RORA: variants seen among roughly 807,000 people sequenced by gnomAD.
RORA encodes the protein nuclear receptor ROR-alpha.
In RORA, 7 loss-of-function variants were observed where a neutral mutation model predicts 69.5. That is an observed-to-expected ratio of 0.10 (90% CI 0.06 to 0.19). The LOEUF is 0.19. RORA is among the 10% of genes least tolerant of loss of function. The pLI, the probability that RORA is intolerant of heterozygous loss-of-function variation, is 1.00. For missense variants in RORA, 457 were observed against 663.0 expected (o/e 0.69, Z 3.41); for synonymous variants, 261 against 240.8 (o/e 1.08, Z -0.78).
In RORA at chr15:61,120,467, A is replaced by G. The variant is rs565967549; in HGVS notation, c.166+108586T>C. 6.5e-4 allele frequency among the ~76,000 whole-genome samples: 99 copies of G among 152,182 alleles called. 1 individual carries two copies. Among genetic ancestry groups the G allele is most frequent in the African/African-American group, 2.2e-3 (91 of 41,550 alleles). On this transcript the variant is annotated intron_variant, in intron 1 of 10. Coordinates refer to ENST00000335670, the MANE Select transcript of RORA (RefSeq NM_134261.3). ...GTAATCCCAGCACTTTGGGAGGCCGAGGCGGGCGGATCACAACTTCAGGAG... is the reference window on the plus strand; with the variant it reads ...GTAATCCCAGCACTTTGGGAGGCCGGGGCGGGCGGATCACAACTTCAGGAG...
intron 1 of RORA, among the ~76,000 whole-genome samples, chr15:60,743,852 G>A (rs114446183): frequency 1.5e-3 from 228 of 152,314 alleles, no homozygotes; most frequent in African/African-American, 5.4e-3. Context: ...TTGTCTTCTA[G>A]GGAGAAGAGA....
intron 1 of RORA, among the ~76,000 whole-genome samples, chr15:60,724,471 C>T (rs1049870252): frequency 6.6e-6 from 1 of 152,130 alleles, no homozygotes; most frequent in Non-Finnish European, 1.5e-5. Context: ...TGGAGCGGCT[C>T]CTTGTGTTTT....
In RORA at chr15:60,505,727, T is replaced by A. The variant is rs141053277; in HGVS notation, c.821-98A>T. ...TTAAGAAATAACAAGTAGAAAACAA[T>A]GTGCTGTGCGAGTTTTGACTGTCTT... On this transcript the variant is annotated intron_variant, in intron 5 of 10. Transcript: ENST00000335670. 707 of 1,387,886 alleles carry A rather than the reference T, an allele frequency of 5.1e-4. 4 individuals are homozygous for A. In the African/African-American group the frequency reaches 9.0e-3, roughly 18 times the overall value. 86.0% of individuals were successfully genotyped at this position (1,387,886 alleles called of 1,614,324 possible). A position where few individuals can be genotyped will look rare whatever the true frequency, so the allele number is the denominator to read the frequency against.
intron 1 of RORA, among the ~76,000 whole-genome samples, chr15:60,962,405 ACTAAGAAGGTT>A (rs1893439773): frequency 6.6e-6 from 1 of 152,222 alleles, no homozygotes; most frequent in Non-Finnish European, 1.5e-5. Flanking sequence ...AGAACCAAGT[ACTAAGAAGGTT>A]CTCAGACAGT....
At chr15:61,056,490 A>G (rs1158450106) in intron 1 of RORA, among the ~76,000 whole-genome samples, 1 of 152,234 alleles carries the variant, frequency 6.6e-6, no homozygotes, top group Non-Finnish European at 1.5e-5. Context: ...ATTATTCAGA[A>G]GTACGGAATT....
At chr15:60,850,037 T>G (rs2073307150) in intron 1 of RORA, among the ~76,000 whole-genome samples, 2 of 152,166 alleles carry the variant, frequency 1.3e-5, no homozygotes, top group Admixed American at 6.5e-5. Flanking sequence ...ATAGATAATT[T>G]TCCAGCCCTG....
At position 60,859,654 on chromosome 15, in the gene RORA, TC is replaced by T. The variant is rs777206762; in HGVS notation, c.167-180969del. Among the ~76,000 whole-genome samples the T allele has an allele frequency of 2.1e-3, 291 of 135,646 alleles. 5 individuals are homozygous for T. Among genetic ancestry groups the T allele is most frequent in the African/African-American group, 6.5e-3 (249 of 38,124 alleles). 89.0% of individuals were successfully genotyped at this position (135,646 alleles called of 152,430 possible). On this transcript the variant is annotated intron_variant, in intron 1 of 10. Coordinates refer to ENST00000335670, the MANE Select transcript of RORA (RefSeq NM_134261.3). ...TTTTTTCTTTCTTTCTTTCTTTCTT[TC>T]TTTTTTTTTTTTTTTTAGAGATGGG...
intron 2 of RORA, among the ~76,000 whole-genome samples, chr15:60,649,608 A>G (rs576766249): frequency 6.6e-6 from 1 of 152,238 alleles, no homozygotes; most frequent in South Asian, 2.1e-4. Flanking sequence ...GGCCAAAAGG[A>G]AGGGCCCCTC....
chr15:60,537,913 C>G lies in RORA; in HGVS notation c.197-6062G>C, dbSNP rs1567069235. 1.3e-5 allele frequency among the ~76,000 whole-genome samples: 2 copies of G among 152,096 alleles called. No individual in the cohort carries two copies. The highest frequency in any genetic ancestry group is 4.8e-5 in the African/African-American group (2 of 41,418). On this transcript the variant is annotated intron_variant, in intron 2 of 10. Coordinates refer to ENST00000335670, the MANE Select transcript of RORA (RefSeq NM_134261.3). This position sits in a 1 kb window ranked among gnomAD's most constrained non-coding sequence, Gnocchi z 4.9. ...TCATTTTTGGCAAAAATAGTAATGC[C>G]TGAGTTTTTGCAGAATTCTATATAG... is the stretch of plus-strand genomic sequence containing the variant.
At chr15:60,823,070 C>T (rs143616698) in intron 1 of RORA, among the ~76,000 whole-genome samples, 1,573 of 135,754 alleles carry the variant, frequency 0.012, 35 homozygotes, top group African/African-American at 0.042. Flanking sequence ...TCCCCTCCCT[C>T]CCTTCCTTCC....
intron 1 of RORA, among the ~76,000 whole-genome samples, chr15:60,968,144 C>G (rs1296722961): frequency 6.6e-6 from 1 of 152,146 alleles, no homozygotes; most frequent in African/African-American, 2.4e-5. Flanking sequence ...TTTGGACTAA[C>G]CCTGGTTGGG....
At chr15:61,069,519 A>G (rs1032483371) in intron 1 of RORA, among the ~76,000 whole-genome samples, 3 of 152,218 alleles carry the variant, frequency 2.0e-5, no homozygotes, top group African/African-American at 7.2e-5. Context: ...GGCGAGTGGA[A>G]ACAGCTGGAA....
intron 1 of RORA, among the ~76,000 whole-genome samples, chr15:61,116,477 A>T (rs1352802958): frequency 6.6e-6 from 1 of 152,130 alleles, no homozygotes; most frequent in Non-Finnish European, 1.5e-5. Context: ...TTCACCTATC[A>T]CCGGATACCC....
rs1208480913 is a variant in RORA at position 60,859,651 on chromosome 15, C to CTTTTT, written c.167-180966_167-180965insAAAAA. 7.6e-4 allele frequency among the ~76,000 whole-genome samples: 73 copies of CTTTTT among 96,354 alleles called. 1 individual carries two copies. Among genetic ancestry groups the CTTTTT allele is most frequent in the African/African-American group, 1.0e-3 (26 of 24,980 alleles). 63.2% of individuals were successfully genotyped at this position (96,354 alleles called of 152,430 possible). A position where few individuals can be genotyped will look rare whatever the true frequency, so the allele number is the denominator to read the frequency against. On this transcript the variant is annotated intron_variant, in intron 1 of 10. Transcript: ENST00000335670. ...GTTTTTTTTCTTTCTTTCTTTCTTTCTTTCTTTTTTTTTTTTTTTTAGAGA... is the reference window on the plus strand; with the variant it reads ...GTTTTTTTTCTTTCTTTCTTTCTTTCTTTTTTTTCTTTTTTTTTTTTTTTTAGAGA...
At chr15:61,227,995 G>A (rs1596087459) in intron 1 of RORA, among the ~76,000 whole-genome samples, 1 of 152,034 alleles carries the variant, frequency 6.6e-6, no homozygotes, top group East Asian at 1.9e-4. Context: ...CTCACTTTAG[G>A]AAAGGAGGGA....
intron 1 of RORA, among the ~76,000 whole-genome samples, chr15:60,832,252 A>G (rs539299442): frequency 1.5e-4 from 23 of 151,874 alleles, no homozygotes; most frequent in African/African-American, 5.3e-4. Flanking sequence ...GAGGCTGACA[A>G]TCTGCACTCC....
intron 1 of RORA, among the ~76,000 whole-genome samples, chr15:60,981,286 A>G (rs563412593): frequency 9.9e-5 from 15 of 152,216 alleles, no homozygotes; most frequent in African/African-American, 3.4e-4. Flanking sequence ...ATCTCAGTGC[A>G]GATCTATTCT....
chr15:60,572,238 G>A (rs184903899), intron 2 of RORA, among the ~76,000 whole-genome samples: 17 of 152,338 alleles, frequency 1.1e-4, no homozygotes, highest in African/African-American at 4.1e-4. Flanking sequence ...TGGAGAAGAT[G>A]TGGTCCTGCA....
At chr15:60,981,339 G>C (rs1043559771) in intron 1 of RORA, among the ~76,000 whole-genome samples, 3 of 151,992 alleles carry the variant, frequency 2.0e-5, no homozygotes, top group Admixed American at 6.5e-5. Flanking sequence ...TGTATGTATA[G>C]ATTGATATTT....
Sources: allele counts gnomAD v4.1 joint callset (sites outside exome capture counted in the v4.1 genomes callset), GRCh38; gene constraint gnomAD v4.1.1; non-coding constraint Gnocchi (gnomAD v3.1); transcripts MANE v1.5; gene names NCBI Gene and HGNC (gene_info 2026-07-23, HGNC 2026-07-21).